Variants in RGS5 observed in about 807,000 individuals in gnomAD.
RGS5 encodes the protein regulator of G protein signaling 5.
In RGS5, 20 loss-of-function variants were observed where a neutral mutation model predicts 18.9. The observed-to-expected ratio is 1.06, with a 90% CI of 0.74 to 1.54. The LOEUF (loss-of-function observed/expected upper bound fraction) is 1.54. Among genes scored for constraint, RGS5 ranks in the 40% most tolerant of loss-of-function variants. The pLI, the probability that RGS5 is intolerant of heterozygous loss-of-function variation, is 0.00. For missense variants in RGS5, 201 were observed against 211.8 expected, an observed-to-expected ratio of 0.95 and a Z score of 0.32; for synonymous variants, 57 against 76.2, an observed-to-expected ratio of 0.75 and a Z score of 1.31.
chr1:163,178,156 A>G (rs1658646409), intron 1 of RGS5, among the ~76,000 whole-genome samples: 1 of 151,966 alleles, frequency 6.6e-6, no homozygotes, highest in South Asian at 2.1e-4. Context: ...TAAAAATACA[A>G]AAAAATTAGC....
chr1:163,176,669 C>T (rs1040524102), intron 1 of RGS5, among the ~76,000 whole-genome samples: 1 of 151,840 alleles, frequency 6.6e-6, no homozygotes, highest in East Asian at 1.9e-4. Flanking sequence ...CCTGTGCAGC[C>T]TCTCCTTTTG....
At chr1:163,283,772 G>T (rs919957708) in intron 2 of RGS5, among the ~76,000 whole-genome samples, 4 of 152,144 alleles carry the variant, frequency 2.6e-5, no homozygotes, top group Non-Finnish European at 4.4e-5. Flanking sequence ...CAGCCTTTAG[G>T]AGCTGAGGGC....
chr1:163,158,553 AG>A (rs1477353375), intron 3 of RGS5, among the ~76,000 whole-genome samples: 1 of 152,170 alleles, frequency 6.6e-6, no homozygotes, highest in Non-Finnish European at 1.5e-5. Flanking sequence ...ACTTGTCAGC[AG>A]GTTCCATAAT....
intron 3 of RGS5, among the ~76,000 whole-genome samples, chr1:163,154,037 T>C (rs1026026170): frequency 1.3e-5 from 2 of 152,206 alleles, no homozygotes; most frequent in African/African-American, 4.8e-5. Flanking sequence ...GAAGGATTAT[T>C]GTCACCAGTA....
At chr1:163,307,623 T>TA (rs11459317) in intron 1 of RGS5, among the ~76,000 whole-genome samples, 59,196 of 147,930 alleles carry the variant, frequency 0.4, 13,649 homozygotes, top group East Asian at 0.69. Context: ...TTAAGAGTAA[T>TA]AAAAAAAAAA....
chr1:163,257,972 C>A (rs1403096342), intron 2 of RGS5, among the ~76,000 whole-genome samples: 1 of 152,208 alleles, frequency 6.6e-6, no homozygotes, highest in East Asian at 1.9e-4. Context: ...CCTTAAAAGA[C>A]AGTGCTCCCT....
chr1:163,150,068 G>A lies in RGS5; in HGVS notation c.384+2482C>T, dbSNP rs184039930. Among the ~76,000 whole-genome samples the A allele has an allele frequency of 2.3e-3, 343 of 152,250 alleles. 1 individual carries two copies. The highest frequency in any genetic ancestry group is 7.5e-3 in the African/African-American group (311 of 41,558). On this transcript the variant is annotated intron_variant, in intron 4 of 4. Transcript: ENST00000313961. ...CTTGAAAGCTTTTTATGTGCTAGGA[G>A]TAGGATTCACATTCTCTCTAATACC...
At chr1:163,305,845 G>A (rs2101645462) in intron 2 of RGS5, among the ~76,000 whole-genome samples, 1 of 152,270 alleles carries the variant, frequency 6.6e-6, no homozygotes, top group African/African-American at 2.4e-5. Context: ...CTTAAGTAGG[G>A]TCACTAGTCC....
At chr1:163,288,979 G>GT (rs1649213119) in intron 2 of RGS5, among the ~76,000 whole-genome samples, 3 of 152,050 alleles carry the variant, frequency 2.0e-5, no homozygotes, top group Non-Finnish European at 4.4e-5. Context: ...ATTCCAGTAT[G>GT]ACCACTGTTC....
At chr1:163,166,004 G>A (rs1179455615) in intron 2 of RGS5, among the ~76,000 whole-genome samples, 1 of 152,170 alleles carries the variant, frequency 6.6e-6, no homozygotes, top group African/African-American at 2.4e-5. Context: ...TTCGGGTGAG[G>A]TAGTAAGGTT....
chr1:163,197,295 C>T (rs1164165736), intron 1 of RGS5, among the ~76,000 whole-genome samples: 1 of 152,076 alleles, frequency 6.6e-6, no homozygotes, highest in Non-Finnish European at 1.5e-5. Context: ...AGATGGCCTT[C>T]CTTCTCTCTC....
At chr1:163,217,260 C>T (rs1293626917) in intron 1 of RGS5, among the ~76,000 whole-genome samples, 1 of 152,146 alleles carries the variant, frequency 6.6e-6, no homozygotes, top group Non-Finnish European at 1.5e-5. Context: ...TAAAAAGACT[C>T]AGCTGTTCAG....
chr1:163,250,537 A>G (rs187089429), intron 2 of RGS5, among the ~76,000 whole-genome samples: 3 of 152,298 alleles, frequency 2.0e-5, no homozygotes, highest in Admixed American at 2.0e-4. Flanking sequence ...AAGAAAAGCT[A>G]CTACAGTCAG....
In RGS5 at chr1:163,317,283, G is replaced by A. The variant is rs114943949; in HGVS notation, c.-378+4339C>T. Reference sequence around the variant, plus strand: ...CTCGTACTTATCAAGCATCTCCAGCGTATAAAGATTTGTGCTAAGCTGTGG... The same window carrying A: ...CTCGTACTTATCAAGCATCTCCAGCATATAAAGATTTGTGCTAAGCTGTGG... On this transcript the variant is annotated intron_variant, in intron 1 of 5. Coordinates refer to the RGS5 transcript ENST00000618415. Among the ~76,000 whole-genome samples, 1,129 of 152,196 alleles carry A rather than the reference G, an allele frequency of 7.4e-3. 15 individuals carry two copies. The highest frequency in any genetic ancestry group is 0.026 in the African/African-American group (1,062 of 41,528).
chr1:163,204,589 A>G (rs907923235), upstream of RGS5, among the ~76,000 whole-genome samples: 5 of 152,160 alleles, frequency 3.3e-5, no homozygotes, highest in African/African-American at 9.7e-5. Flanking sequence ...GCTTCAAGCA[A>G]TCCTCCTGCC....
intron 2 of RGS5, among the ~76,000 whole-genome samples, chr1:163,282,735 A>C (rs1423332575): frequency 5.9e-5 from 9 of 152,096 alleles, no homozygotes; most frequent in Admixed American, 5.9e-4. Context: ...TAAATAAATA[A>C]AAATTGAAAT....
Position 163,142,871 on chromosome 1 carries a change from A to G in RGS5, c.*4471T>C, listed in dbSNP as rs1004575737. On this transcript the variant is annotated 3_prime_UTR_variant, in exon 5 of 5. Transcript: ENST00000313961. Reference sequence around the variant, plus strand: ...ACAAGTAACTTGCAAGAGGCTTATTAAACTGTATATAAATGTTGAAGAGGC... The same window carrying G: ...ACAAGTAACTTGCAAGAGGCTTATTGAACTGTATATAAATGTTGAAGAGGC... 6.6e-6 allele frequency: 1 copy of G among 152,204 alleles called. No homozygotes were observed. The highest frequency in any genetic ancestry group is 2.4e-5 in the African/African-American group (1 of 41,462). 9.4% of individuals were successfully genotyped at this position (152,204 alleles called of 1,614,324 possible).
In RGS5 at chr1:163,256,530, T is replaced by A. The variant is rs559303433; in HGVS notation, c.-281+49703A>T. Among the ~76,000 whole-genome samples the A allele has an allele frequency of 1.2e-4, 19 of 152,314 alleles. No individual in the cohort carries two copies. The South Asian group carries it at 3.7e-3, about 30-fold the overall frequency. On this transcript the variant is annotated intron_variant, in intron 2 of 5. Coordinates refer to the RGS5 transcript ENST00000618415. ...TAATCATTTGGCAGATACGCATTCATCCAGTAAGAAGAGTATCATTAAAAC... is the reference window on the plus strand; with the variant it reads ...TAATCATTTGGCAGATACGCATTCAACCAGTAAGAAGAGTATCATTAAAAC...
At chr1:163,168,408 G>C in intron 1 of RGS5, 40 bp from the exon 2 acceptor site, 1 of 1,371,700 alleles carries the variant, frequency 7.3e-7, no homozygotes, top group Non-Finnish European at 1.0e-6. Flanking sequence ...GACACCACAT[G>C]TGCATACAGA....
Sources: gnomAD v4.1 joint callset for allele counts (sites outside exome capture counted in the v4.1 genomes callset) on GRCh38, gnomAD v4.1.1 for gene constraint, MANE v1.5 for transcripts, NCBI Gene and HGNC (gene_info 2026-07-23, HGNC 2026-07-21) for gene names.